Variants in TBXAS1 observed in about 807,000 individuals in gnomAD.
TBXAS1 encodes thromboxane A synthase 1.
In TBXAS1, 48 loss-of-function variants were observed where a neutral mutation model predicts 60.7. That is an observed-to-expected ratio of 0.79 (90% confidence interval 0.63 to 1.01). TBXAS1 has a LOEUF of 1.01. Among genes scored for constraint, TBXAS1 ranks in the 50% least tolerant of loss-of-function variants. TBXAS1 has a pLI of 0.00. For synonymous variants in TBXAS1, 287 were observed against 269.7 expected (o/e 1.06, Z -0.63); for missense variants, 685 against 686.3 (o/e 1.00, Z 0.02).
chr7:139,863,308 T>C (rs1801102284), intron 1 of TBXAS1, among the ~76,000 whole-genome samples: 1 of 152,228 alleles, frequency 6.6e-6, no homozygotes, highest in Admixed American at 6.5e-5. Context: ...GGTACCTACA[T>C]TATTGGTGAA....
At chr7:139,807,171 G>A (rs1797898865) in intron 4 of TBXAS1, among the ~76,000 whole-genome samples, 1 of 152,200 alleles carries the variant, frequency 6.6e-6, no homozygotes, top group African/African-American at 2.4e-5. Flanking sequence ...TGTGGTCTCA[G>A]AGGTCATCAG....
At chr7:139,801,931 T>G (rs1327791804) in intron 4 of TBXAS1, among the ~76,000 whole-genome samples, 1 of 152,178 alleles carries the variant, frequency 6.6e-6, no homozygotes, top group African/African-American at 2.4e-5. Flanking sequence ...GTCTGGCTAA[T>G]TTTTGTATTT....
intron 3 of TBXAS1, among the ~76,000 whole-genome samples, chr7:139,891,333 G>GTGTGGATAA (rs1803594893): frequency 6.6e-6 from 1 of 151,968 alleles, no homozygotes; most frequent in Non-Finnish European, 1.5e-5. Context: ...CCAGCACTCA[G>GTGTGGATAA]TGTGGATCAT....
At chr7:139,869,843 A>G (rs1481119349) in intron 1 of TBXAS1, among the ~76,000 whole-genome samples, 1 of 152,224 alleles carries the variant, frequency 6.6e-6, no homozygotes, top group Non-Finnish European at 1.5e-5. Flanking sequence ...TTTTGGGTTA[A>G]GAACGTGTTG....
chr7:139,862,354 G>A (rs2116727860), intron 1 of TBXAS1, among the ~76,000 whole-genome samples: 1 of 152,282 alleles, frequency 6.6e-6, no homozygotes, highest in African/African-American at 2.4e-5. Context: ...GCTTCAGGAA[G>A]GAGGAATGTT....
At chr7:139,979,793 C>T (rs1393146086) in intron 9 of TBXAS1, among the ~76,000 whole-genome samples, 1 of 150,124 alleles carries the variant, frequency 6.7e-6, no homozygotes, top group African/African-American at 2.4e-5. Context: ...AAAGAAAAAA[C>T]CCTCAGCTAA....
intron 9 of TBXAS1, among the ~76,000 whole-genome samples, chr7:139,985,998 A>C (rs552435708): frequency 9.2e-5 from 14 of 152,376 alleles, no homozygotes; most frequent in African/African-American, 3.4e-4. Flanking sequence ...GAGGTGCTAC[A>C]TGAGCATTCT....
At position 139,784,232 on chromosome 7, in the gene TBXAS1, C is replaced by G. The variant is rs547182246; in HGVS notation, c.-169+1503C>G. Among the ~76,000 whole-genome samples the G allele has an allele frequency of 5.1e-4, 74 of 143,950 alleles. 2 individuals are homozygous for G. The South Asian group carries it at 0.017, about 34-fold the overall frequency. The allele number at this position is 143,950 out of a possible 152,430, so 94.4% of individuals were successfully genotyped here. A position where few individuals can be genotyped will look rare whatever the true frequency, so the allele number is the denominator to read the frequency against. ...GTTCTTTCTTTCATTCTTTCTCTCT[C>G]TCTCTCTCTTCCTTCCTTCCTTCCT... On this transcript the variant is annotated intron_variant, in intron 3 of 16. Coordinates refer to the TBXAS1 transcript ENST00000336425.
chr7:139,795,960 G>T (rs1228058777), intron 4 of TBXAS1, among the ~76,000 whole-genome samples: 1 of 151,834 alleles, frequency 6.6e-6, no homozygotes, highest in East Asian at 1.9e-4. Flanking sequence ...TTTCGTGGGG[G>T]GCATATTATA....
rs115232466 is a variant in TBXAS1 at position 139,916,865 on chromosome 7, A to G, written c.333+5544A>G. 0.015 allele frequency among the ~76,000 whole-genome samples: 2,342 copies of G among 152,304 alleles called. 55 individuals are homozygous for G. The highest frequency in any genetic ancestry group is 0.054 in the African/African-American group (2,258 of 41,554). ...GCCTGCTGGCATCCATTGAGGAGAGAGGGGCCCTTGGCAGACTTGCCATAA... is the reference window on the plus strand; with the variant it reads ...GCCTGCTGGCATCCATTGAGGAGAGGGGGGCCCTTGGCAGACTTGCCATAA... On this transcript the variant is annotated intron_variant, in intron 4 of 12. Transcript: ENST00000448866. This position sits in a 1 kb window ranked among gnomAD's most constrained non-coding sequence, Gnocchi z 4.2.
intron 1 of TBXAS1, among the ~76,000 whole-genome samples, chr7:139,849,072 G>GA (rs998592483): frequency 2.0e-5 from 3 of 151,604 alleles, no homozygotes; most frequent in African/African-American, 4.8e-5. Context: ...CTCTCTGGGG[G>GA]AAAAAAAACA....
At chr7:139,919,397 T>C (rs1380125801) in intron 4 of TBXAS1, among the ~76,000 whole-genome samples, 4 of 152,212 alleles carry the variant, frequency 2.6e-5, no homozygotes, top group Non-Finnish European at 4.4e-5. Flanking sequence ...CACTGAGGTA[T>C]AACACTATCT....
Position 139,909,911 on chromosome 7 carries a change from A to G in TBXAS1, c.237-1314A>G, listed in dbSNP as rs565812909. Among the ~76,000 whole-genome samples the G allele has an allele frequency of 1.3e-4, 20 of 152,226 alleles. No homozygotes were observed. The East Asian group carries it at 3.7e-3, about 28-fold the overall frequency. ...TGCTTTGCACAGTTGGTAGTCCGGC[A>G]CTCACGGTTCCCCCAAGCAGGCTTG... is the stretch of plus-strand genomic sequence containing the variant. On this transcript the variant is annotated intron_variant, in intron 3 of 12. Coordinates refer to ENST00000448866, the MANE Select transcript of TBXAS1 (RefSeq NM_001061.7).
At chr7:139,984,648 A>G (rs1028701729) in intron 9 of TBXAS1, among the ~76,000 whole-genome samples, 6 of 146,010 alleles carry the variant, frequency 4.1e-5, no homozygotes, top group Admixed American at 2.0e-4. Context: ...GAGAGAAAGA[A>G]AGAAAGGGAA....
intron 7 of TBXAS1, 54 bp downstream of exon 7, chr7:139,955,661 C>T (rs879643140): frequency 1.7e-5 from 28 of 1,609,532 alleles, no homozygotes; most frequent in East Asian, 6.7e-5. Flanking sequence ...GTTGGGCAGA[C>T]CCCATGACAC....
rs1001440547 is a variant in TBXAS1, at chr7:139,815,874, A to G, written c.-79-13438A>G. Among the ~76,000 whole-genome samples the G allele has an allele frequency of 5.3e-5, 8 of 152,318 alleles. No individual in the cohort carries two copies. In the East Asian group the frequency reaches 1.4e-3, roughly 26 times the overall value. On this transcript the variant is annotated intron_variant, in intron 4 of 16. Coordinates refer to the TBXAS1 transcript ENST00000336425. ...ACCAAGTTGGAAACAGTTCACATCAATCCTCAGAGAGGGTTGGACAATTCT... is the reference window on the plus strand; with the variant it reads ...ACCAAGTTGGAAACAGTTCACATCAGTCCTCAGAGAGGGTTGGACAATTCT...
intron 5 of TBXAS1, among the ~76,000 whole-genome samples, chr7:139,951,955 A>AAAG (rs1809398067): frequency 3.1e-5 from 2 of 65,406 alleles, no homozygotes; most frequent in African/African-American, 6.7e-5. Flanking sequence ...GAAAGAAAAG[A>AAAG]AAGAAAGAAA....
chr7:139,934,775 T>C (rs1185896326), intron 4 of TBXAS1, among the ~76,000 whole-genome samples: 1 of 152,192 alleles, frequency 6.6e-6, no homozygotes, highest in Non-Finnish European at 1.5e-5. Context: ...ACACCAGTCA[T>C]GTTGGATTAG....
chr7:139,875,678 T>G, intron 3 of TBXAS1, 41 bp downstream of exon 3: 1 of 1,608,428 alleles, frequency 6.2e-7, no homozygotes, highest in Non-Finnish European at 8.5e-7. Flanking sequence ...TACGATATTT[T>G]CTATTATGTA....
Sources: allele counts gnomAD v4.1 joint callset (sites outside exome capture counted in the v4.1 genomes callset), GRCh38; gene constraint gnomAD v4.1.1; non-coding constraint Gnocchi (gnomAD v3.1); transcripts MANE v1.5; gene names NCBI Gene and HGNC (gene_info 2026-07-23, HGNC 2026-07-21).